Variants in ZNF277 observed in about 807,000 individuals in gnomAD.
ZNF277 encodes nuclear receptor-interacting factor 4.
Under a neutral mutation model 60.7 loss-of-function variants are expected in ZNF277, and 55 were observed. That is an observed-to-expected ratio of 0.91 (90% CI 0.73 to 1.13). ZNF277 has a LOEUF of 1.13. Ranked by LOEUF, ZNF277 falls within the 50% of genes most tolerant of loss-of-function variation. The probability of loss-of-function intolerance (pLI) is 0.00; values close to 1 mark genes in which losing one functional copy is unlikely to be tolerated. For synonymous variants in ZNF277, 178 were observed against 179.3 expected (o/e 0.99, Z 0.06); for missense variants, 510 against 523.0 (o/e 0.98, Z 0.24).
chr7:112,254,997 C>T (rs561476769), intron 1 of ZNF277, among the ~76,000 whole-genome samples: 2 of 151,274 alleles, frequency 1.3e-5, no homozygotes, highest in Non-Finnish European at 3.0e-5. Flanking sequence ...AACAAACAAA[C>T]AAAAAAAACA....
Position 112,327,751 on chromosome 7 carries a change from G to A in ZNF277, c.592G>A (p.Ala198Thr). ...TTTGAACCACATGGCCAGAGAACAT[G>A]CTTTCAACATTGGATTGCCAGACAA... ...VILNHMAREH[A>T]FNIGLPDNIV... is the part of the protein sequence containing the mutation. The change falls in exon 6 of 12, where the codon GCT (alanine) becomes ACT (threonine). Residue 198 changes from alanine (A) to threonine (T), a missense_variant. Ala to Thr is a moderately conservative substitution (Grantham distance 58). Coordinates refer to ENST00000361822, the MANE Select transcript of ZNF277 (RefSeq NM_021994.3). 6.2e-7 allele frequency: 1 copy of A among 1,612,350 alleles called. No individual in the cohort carries two copies. Among genetic ancestry groups the A allele is most frequent in the Non-Finnish European group, 8.5e-7 (1 of 1,179,560 alleles).
chr7:112,284,954 C>T (rs10229525), intron 1 of ZNF277, among the ~76,000 whole-genome samples: 8,762 of 152,208 alleles, frequency 0.058, 670 homozygotes, highest in African/African-American at 0.18. Flanking sequence ...CATGCAACAT[C>T]GAACATCCCT....
At chr7:112,301,621 A>G (rs868302239) in intron 4 of ZNF277, among the ~76,000 whole-genome samples, 6 of 152,174 alleles carry the variant, frequency 3.9e-5, no homozygotes, top group African/African-American at 1.4e-4. Context: ...CCACCTGTAT[A>G]GATACATATC....
chr7:112,336,060 C>A, intron 7 of ZNF277, 44 bp from the exon 8 acceptor site: 1 of 1,530,086 alleles, frequency 6.5e-7, no homozygotes, highest in Non-Finnish European at 8.9e-7. Flanking sequence ...TCTCTCCCTT[C>A]TCTTTCCCCC....
At chr7:112,258,891 A>T (rs1321002490) in intron 1 of ZNF277, among the ~76,000 whole-genome samples, 1 of 151,960 alleles carries the variant, frequency 6.6e-6, no homozygotes, top group Non-Finnish European at 1.5e-5. Flanking sequence ...TGACATTAAA[A>T]AAAAACAAAA....
chr7:112,309,767 C>T (rs911201687), intron 4 of ZNF277, among the ~76,000 whole-genome samples: 2 of 151,960 alleles, frequency 1.3e-5, no homozygotes, highest in African/African-American at 2.4e-5. Context: ...GGCTTCTCAC[C>T]ATCTGGCTAC....
At chr7:112,330,243 A>C (rs766913137) in intron 7 of ZNF277, 27 bp downstream of exon 7, 1 of 1,608,604 alleles carries the variant, frequency 6.2e-7, no homozygotes, top group Admixed American at 1.7e-5. Context: ...ATAACTTAAA[A>C]TTTGATTGCA....
At chr7:112,327,500 T>G (rs529589637) in intron 5 of ZNF277, among the ~76,000 whole-genome samples, 7 of 152,338 alleles carry the variant, frequency 4.6e-5, no homozygotes, top group African/African-American at 1.7e-4. Flanking sequence ...AAGCAGCAGA[T>G]AGTAGAACAA....
At chr7:112,269,139 T>C (rs1376910287) in intron 1 of ZNF277, among the ~76,000 whole-genome samples, 2 of 152,146 alleles carry the variant, frequency 1.3e-5, no homozygotes, top group African/African-American at 4.8e-5. Flanking sequence ...GACAAGACCT[T>C]GAATTTGTTC....
intron 1 of ZNF277, among the ~76,000 whole-genome samples, chr7:112,233,554 A>G (rs1030115159): frequency 2.0e-5 from 3 of 152,150 alleles, no homozygotes; most frequent in African/African-American, 7.2e-5. Context: ...TCCTAGATCT[A>G]TTTACTCTTA....
At chr7:112,271,407 A>G (rs1791666505) in intron 1 of ZNF277, among the ~76,000 whole-genome samples, 1 of 152,206 alleles carries the variant, frequency 6.6e-6, no homozygotes. Context: ...ATTCTGTTAC[A>G]TCATGGAGAT....
rs541248870 is a variant in ZNF277, at chr7:112,269,804, A to G, written c.92-17069A>G. Among the ~76,000 whole-genome samples, 82 of 152,250 alleles carry G rather than the reference A, an allele frequency of 5.4e-4. 3 individuals carry two copies. In the South Asian group the frequency reaches 0.014, roughly 27 times the overall value. ...CTTTATCAAGGGTTTATCAAAATCT[A>G]GAAGCTGAGCTGTATTATCAGACTT... On this transcript the variant is annotated intron_variant, in intron 1 of 11. Transcript: ENST00000361822.
intron 7 of ZNF277, among the ~76,000 whole-genome samples, chr7:112,332,210 A>G (rs1793242591): frequency 6.6e-6 from 1 of 152,228 alleles, no homozygotes; most frequent in African/African-American, 2.4e-5. Context: ...TTAGAGTCAT[A>G]TTGATAGAAG....
intron 1 of ZNF277, among the ~76,000 whole-genome samples, chr7:112,214,142 A>G (rs547493560): frequency 1.3e-5 from 2 of 152,346 alleles, no homozygotes; most frequent in East Asian, 1.9e-4. Flanking sequence ...CATTCATGCA[A>G]AAGAATAGTG....
At chr7:112,330,059 A>G (rs1793188728) in intron 6 of ZNF277, 25 bp from the exon 7 acceptor site, 1 of 1,596,290 alleles carries the variant, frequency 6.3e-7, no homozygotes, top group East Asian at 2.2e-5. Flanking sequence ...AGACTTGTTT[A>G]TCAGTGTTTG....
intron 1 of ZNF277, among the ~76,000 whole-genome samples, chr7:112,224,499 G>A (rs905531992): frequency 6.6e-6 from 1 of 152,166 alleles, no homozygotes; most frequent in Non-Finnish European, 1.5e-5. Context: ...GAAATAGGTT[G>A]GAGGGTTTGG....
At chr7:112,311,305 CAT>C (rs1792727395) in intron 4 of ZNF277, among the ~76,000 whole-genome samples, 2 of 152,174 alleles carry the variant, frequency 1.3e-5, no homozygotes, top group Non-Finnish European at 2.9e-5. Context: ...ATTAGAAAAA[CAT>C]ATATAGCTTA....
intron 1 of ZNF277, among the ~76,000 whole-genome samples, chr7:112,281,666 A>G (rs1366614695): frequency 6.6e-6 from 1 of 152,186 alleles, no homozygotes; most frequent in African/African-American, 2.4e-5. Context: ...AAGTTCCCCT[A>G]AAGACAGCCA....
chr7:112,225,743 T>G (rs547723131), intron 1 of ZNF277, among the ~76,000 whole-genome samples: 1 of 152,362 alleles, frequency 6.6e-6, no homozygotes, highest in South Asian at 2.1e-4. Flanking sequence ...TAAGATATTT[T>G]AATAGAAATT....
Sources: gnomAD v4.1 joint callset for allele counts (sites outside exome capture counted in the v4.1 genomes callset) on GRCh38, gnomAD v4.1.1 for gene constraint, MANE v1.5 for transcripts, NCBI Gene and HGNC (gene_info 2026-07-23, HGNC 2026-07-21) for gene names.